Variants in DMD observed in about 807,000 individuals in gnomAD.
DMD encodes the protein dystrophin.
In DMD, 63 loss-of-function variants were observed where a neutral mutation model predicts 330.1. The observed-to-expected ratio is 0.19, with a 90% CI of 0.16 to 0.24. The LOEUF (loss-of-function observed/expected upper bound fraction) is 0.24, where lower values mean the gene tolerates loss of function less well. Ranked by LOEUF, DMD falls within the 10% of genes least tolerant of loss-of-function variation. The pLI, the probability that DMD is intolerant of heterozygous loss-of-function variation, is 1.00. For missense variants in DMD, 3,344 were observed against 2,684.1 expected (o/e 1.25, Z -5.43); for synonymous variants, 1,223 against 959.8 (o/e 1.27, Z -5.07).
At chrX:32,838,087 G>GA (rs2079816561) in intron 4 of DMD, among the ~76,000 whole-genome samples, 2 of 111,489 alleles carry the variant, frequency 1.8e-5, no homozygotes, top group South Asian at 7.5e-4. Flanking sequence ...TGACAGTGGT[G>GA]AATTAATGGC....
chrX:32,083,851 C>T (rs747480429), intron 44 of DMD, among the ~76,000 whole-genome samples: 2 of 112,515 alleles, frequency 1.8e-5, no homozygotes, highest in African/African-American at 3.2e-5. Context: ...GGCTGTTCAT[C>T]GCAGCCACAT....
At chrX:32,982,426 A>G (rs2092730211) in intron 2 of DMD, among the ~76,000 whole-genome samples, 1 of 111,806 alleles carries the variant, frequency 8.9e-6, no homozygotes, top group Admixed American at 9.6e-5. Flanking sequence ...GTAACAGCAA[A>G]AAAACTACCA....
intron 30 of DMD, among the ~76,000 whole-genome samples, chrX:32,403,155 A>T (rs2147819883): frequency 8.9e-6 from 1 of 112,335 alleles, no homozygotes; most frequent in Admixed American, 9.5e-5. Context: ...AAAGAAAAAT[A>T]AAACATAGTA....
At chrX:32,323,723 C>T (rs1018645539) in intron 41 of DMD, among the ~76,000 whole-genome samples, 3 of 110,083 alleles carry the variant, frequency 2.7e-5, no homozygotes, top group East Asian at 2.9e-4. Flanking sequence ...CCTATAAGTG[C>T]GGGAAGAGAT....
Position 31,681,671 on chromosome X carries a change from T to A in DMD, c.7661-2085A>T, listed in dbSNP as rs1286042513. Among the ~76,000 whole-genome samples, 5 of 112,867 alleles carry A rather than the reference T, an allele frequency of 4.4e-5. No homozygotes were observed. The Admixed American group carries it at 4.7e-4, about 11-fold the overall frequency. ...AAGGGAGAGAAGGTCAAAGAATGGCTACAGATGGACAAACAAAATGTATAT... is the reference window on the plus strand; with the variant it reads ...AAGGGAGAGAAGGTCAAAGAATGGCAACAGATGGACAAACAAAATGTATAT... On this transcript the variant is annotated intron_variant, in intron 52 of 78. Transcript: ENST00000357033.
chrX:32,668,634 C>T (rs989776449), intron 9 of DMD, among the ~76,000 whole-genome samples: 13 of 111,385 alleles, frequency 1.2e-4, no homozygotes, highest in Admixed American at 2.9e-4. Flanking sequence ...AACAAAATGC[C>T]GCCTGATACT....
chrX:32,727,487 C>A (rs1022495164), intron 7 of DMD, among the ~76,000 whole-genome samples: 1 of 110,474 alleles, frequency 9.1e-6, no homozygotes, highest in African/African-American at 3.3e-5. Context: ...CCTCTATAAT[C>A]ACCTTAATTA....
chrX:33,000,258 G>A (rs5972730), intron 2 of DMD, among the ~76,000 whole-genome samples: 5,550 of 109,997 alleles, frequency 0.05, 175 homozygotes, highest in East Asian at 0.2. Flanking sequence ...ATCTTGCTTT[G>A]TTCAATAGTG....
chrX:31,811,702 AAT>A (rs1342672265), intron 50 of DMD, among the ~76,000 whole-genome samples: 18 of 111,637 alleles, frequency 1.6e-4, no homozygotes, highest in African/African-American at 5.5e-4. Context: ...TAAAACCGGC[AAT>A]AGTATAGCCA....
intron 1 of DMD, among the ~76,000 whole-genome samples, chrX:33,034,940 T>C (rs1198298403): frequency 1.8e-5 from 2 of 111,997 alleles, no homozygotes; most frequent in East Asian, 5.6e-4. Context: ...GTAATCAACA[T>C]TGTTATTCCT....
intron 62 of DMD, among the ~76,000 whole-genome samples, chrX:31,295,776 G>A (rs1003338392): frequency 8.9e-6 from 1 of 111,764 alleles, no homozygotes; most frequent in East Asian, 2.8e-4. Flanking sequence ...GCCATTCTAG[G>A]GTGAAAGTGC....
intron 30 of DMD, among the ~76,000 whole-genome samples, chrX:32,409,451 T>A (rs2098132954): frequency 9.0e-6 from 1 of 111,606 alleles, no homozygotes; most frequent in Non-Finnish European, 1.9e-5. Flanking sequence ...AGCAAAATAT[T>A]TTGCTATTAA....
intron 1 of DMD, among the ~76,000 whole-genome samples, chrX:33,163,737 A>T (rs73190234): frequency 1.9e-5 from 2 of 108,030 alleles, no homozygotes; most frequent in African/African-American, 6.8e-5. Context: ...GTAGCTAAAA[A>T]GTCTTGTAGA....
intron 5 of DMD, among the ~76,000 whole-genome samples, chrX:32,818,228 G>T (rs1268193015): frequency 8.9e-6 from 1 of 111,776 alleles, no homozygotes; most frequent in Non-Finnish European, 1.9e-5. Flanking sequence ...TTTGTGAAAT[G>T]CTTGGCCAGT....
intron 11 of DMD, among the ~76,000 whole-genome samples, chrX:32,617,472 C>A (rs1253419922): frequency 9.0e-6 from 1 of 111,339 alleles, no homozygotes; most frequent in African/African-American, 3.3e-5. Flanking sequence ...ACAGGACACC[C>A]TCTTCAGCAA....
At chrX:31,643,885 C>T (rs922300475) in intron 54 of DMD, among the ~76,000 whole-genome samples, 2 of 111,768 alleles carry the variant, frequency 1.8e-5, no homozygotes, top group South Asian at 7.4e-4. Flanking sequence ...TCAATGTGCT[C>T]AATATCTATT....
chrX:33,335,862 C>T (rs1285046254), intron 1 of DMD, among the ~76,000 whole-genome samples: 1 of 110,889 alleles, frequency 9.0e-6, no homozygotes, highest in Non-Finnish European at 1.9e-5. Context: ...ATTTATTGAC[C>T]AGACTCTTAT....
At chrX:32,833,914 AG>A (rs1179700331) in intron 4 of DMD, among the ~76,000 whole-genome samples, 1 of 110,753 alleles carries the variant, frequency 9.0e-6, no homozygotes, top group Non-Finnish European at 1.9e-5. Context: ...AGGTATACTA[AG>A]GGGGATGGGA....
At chrX:33,179,773 A>C (rs1233177331) in intron 1 of DMD, among the ~76,000 whole-genome samples, 1 of 111,422 alleles carries the variant, frequency 9.0e-6, no homozygotes, top group African/African-American at 3.3e-5. Flanking sequence ...GTAGCCAAAA[A>C]TAAAGCCAAT....
Sources: gnomAD v4.1 joint callset for allele counts (sites outside exome capture counted in the v4.1 genomes callset) on GRCh38, gnomAD v4.1.1 for gene constraint, MANE v1.5 for transcripts, NCBI Gene and HGNC (gene_info 2026-07-23, HGNC 2026-07-21) for gene names.